MYOF: variants seen among roughly 807,000 people sequenced by gnomAD.
MYOF encodes the protein myoferlin, also known as fer-1-like 3, myoferlin.
In MYOF, 244 loss-of-function variants were observed where a neutral mutation model predicts 284.2. The ratio of observed to expected loss-of-function variants is 0.86; its 90% CI spans 0.77 to 0.95. The LOEUF is 0.95. MYOF is among the 40% of genes least tolerant of loss of function. The pLI is 0.00. For missense variants in MYOF, 2,496 were observed against 2,560.6 expected (o/e 0.97, Z 0.54); for synonymous variants, 904 against 919.7 (o/e 0.98, Z 0.31).
chr10:93,460,781 A>AG (rs1314108421), intron 1 of MYOF, among the ~76,000 whole-genome samples: 18 of 117,664 alleles, frequency 1.5e-4, no homozygotes, highest in African/African-American at 5.1e-4. Context: ...AAAAAAAAAA[A>AG]AAAAGAAAGA....
chr10:93,398,163 G>T (rs1409414462), intron 13 of MYOF, among the ~76,000 whole-genome samples: 1 of 152,088 alleles, frequency 6.6e-6, no homozygotes, highest in African/African-American at 2.4e-5. Context: ...TTCCCCGCTT[G>T]CTGGCTCTAC....
chr10:93,323,051 G>A, intron 48 of MYOF, 27 bp downstream of exon 48: 1 of 1,591,062 alleles, frequency 6.3e-7, no homozygotes, highest in East Asian at 2.2e-5. Context: ...CCTGAGCTTG[G>A]CAAAGTCTCT....
chr10:93,433,771 C>G (rs918472558), intron 3 of MYOF, among the ~76,000 whole-genome samples: 1 of 152,148 alleles, frequency 6.6e-6, no homozygotes, highest in East Asian at 1.9e-4. Context: ...CTCAGAGGTG[C>G]TCCGGGTACG....
intron 51 of MYOF, among the ~76,000 whole-genome samples, chr10:93,311,958 CAG>C (rs964473926): frequency 1.3e-5 from 2 of 152,118 alleles, no homozygotes; most frequent in Non-Finnish European, 2.9e-5. Context: ...CAATGGACTG[CAG>C]AGAGAGAGCA....
intron 1 of MYOF, among the ~76,000 whole-genome samples, chr10:93,462,839 A>C (rs2056916289): frequency 6.6e-6 from 1 of 152,168 alleles, no homozygotes; most frequent in Admixed American, 6.5e-5. Context: ...ATAAAAAAAA[A>C]AGGTTAAACC....
chr10:93,412,954 C>T (rs1372148502), intron 5 of MYOF, among the ~76,000 whole-genome samples: 1 of 152,116 alleles, frequency 6.6e-6, no homozygotes, highest in Non-Finnish European at 1.5e-5. Flanking sequence ...GGGCTGACAG[C>T]TGTTGGGTTC....
chr10:93,390,813 TA>T (rs902722723), intron 17 of MYOF, among the ~76,000 whole-genome samples: 126 of 142,484 alleles, frequency 8.8e-4, no homozygotes, highest in South Asian at 2.2e-3. Context: ...AAAAAAGATT[TA>T]AAAAAAAAAA....
rs545673041 is a variant in MYOF at position 93,309,341 on chromosome 10, C to T, written c.6147+679G>A. On this transcript the variant is annotated intron_variant, in intron 53 of 53. Coordinates refer to ENST00000359263, the MANE Select transcript of MYOF (RefSeq NM_013451.4). ...CTTAATTCCTAGCCTGTCGTAGATGCGCAATACATCCTCTGGATGGAGGAA... is the reference window on the plus strand; with the variant it reads ...CTTAATTCCTAGCCTGTCGTAGATGTGCAATACATCCTCTGGATGGAGGAA... Among the ~76,000 whole-genome samples the T allele has an allele frequency of 7.4e-4, 112 of 152,252 alleles. 1 individual carries two copies. The highest frequency in any genetic ancestry group is 2.5e-3 in the African/African-American group (102 of 41,540).
Position 93,401,509 on chromosome 10 carries a change from A to G in MYOF, c.1026T>C (p.Asp342=). 1.9e-6 allele frequency: 3 copies of G among 1,614,162 alleles called. No homozygotes were observed. The highest frequency in any genetic ancestry group is 1.7e-6 in the Non-Finnish European group (2 of 1,180,006). The change falls in exon 12 of 54, where the codon GAT becomes GAC. Residue 342 remains aspartate (D), a synonymous_variant. Transcript: ENST00000359263. Reference sequence around the variant, plus strand: ...CAGGGAGTAACAAATTACTCTCCACATCATCACTGTCATTATCACGATCTC... The same window carrying G: ...CAGGGAGTAACAAATTACTCTCCACGTCATCACTGTCATTATCACGATCTC... ...ERRDRDNDSD[D]VESNLLLPAG...
Position 93,355,602 on chromosome 10 carries a change from TAAATCA to T in MYOF, c.3403+20_3403+25del. The T allele has an allele frequency of 6.5e-7, 1 of 1,549,014 alleles. No individual in the cohort carries two copies. Among genetic ancestry groups the T allele is most frequent in the Non-Finnish European group, 8.8e-7 (1 of 1,130,736 alleles). On this transcript the variant is annotated intron_variant, in intron 31 of 53. Transcript: ENST00000359263. ...CTTGAAAAAATAAAATAAAATAAAATAAATCAAAAATAAAACAAAACTCACTGTCAA... is the reference window on the plus strand; with the variant it reads ...CTTGAAAAAATAAAATAAAATAAAATAAAATAAAACAAAACTCACTGTCAA...
At chr10:93,481,815 T>C (rs1355025774) in intron 1 of MYOF, among the ~76,000 whole-genome samples, 2 of 152,202 alleles carry the variant, frequency 1.3e-5, no homozygotes, top group East Asian at 1.9e-4. Context: ...CCAATACAGA[T>C]GTTTGTTGAT....
intron 53 of MYOF, among the ~76,000 whole-genome samples, chr10:93,307,370 A>G (rs1224386305): frequency 6.6e-6 from 1 of 151,864 alleles, no homozygotes; most frequent in African/African-American, 2.4e-5. Context: ...ATCTCGGCTC[A>G]CTGCAACCTC....
At chr10:93,480,642 A>C (rs2057367396) in intron 1 of MYOF, among the ~76,000 whole-genome samples, 1 of 151,564 alleles carries the variant, frequency 6.6e-6, no homozygotes, top group Non-Finnish European at 1.5e-5. Flanking sequence ...TGCCCGGCTA[A>C]TTTTTGTATT....
chr10:93,341,280 C>CTT (rs35414380), intron 38 of MYOF, among the ~76,000 whole-genome samples: 36,477 of 145,230 alleles, frequency 0.25, 6,079 homozygotes, highest in East Asian at 0.87. Flanking sequence ...ATTTAAAAGG[C>CTT]TTTTTTTTTT....
intron 21 of MYOF, among the ~76,000 whole-genome samples, chr10:93,379,629 A>G (rs1213957370): frequency 6.6e-6 from 1 of 152,122 alleles, no homozygotes; most frequent in East Asian, 1.9e-4. Context: ...CATGCAGACA[A>G]TGATAACTCC....
chr10:93,383,232 T>C lies in MYOF; in HGVS notation c.1699-1836A>G, dbSNP rs187273667. Among the ~76,000 whole-genome samples the C allele has an allele frequency of 2.0e-3, 297 of 152,240 alleles. 1 individual carries two copies. Among genetic ancestry groups the C allele is most frequent in the African/African-American group, 6.9e-3 (286 of 41,556 alleles). ...AATTTTTAAGGACTGTTTTAAGAACTTCTGACAGTGACTGAAGCTTGTGGT... is the reference window on the plus strand; with the variant it reads ...AATTTTTAAGGACTGTTTTAAGAACCTCTGACAGTGACTGAAGCTTGTGGT... On this transcript the variant is annotated intron_variant, in intron 19 of 53. Coordinates refer to ENST00000359263, the MANE Select transcript of MYOF (RefSeq NM_013451.4).
chr10:93,343,751 T>A (rs1167540990), intron 38 of MYOF, 105 bp downstream of exon 38: 1 of 1,191,904 alleles, frequency 8.4e-7, no homozygotes, highest in African/African-American at 1.5e-5. Context: ...TGGCTGATGA[T>A]TATAATTGCA....
chr10:93,376,489 C>T (rs10882226), intron 22 of MYOF, among the ~76,000 whole-genome samples: 37,429 of 149,644 alleles, frequency 0.25, 6,085 homozygotes, highest in East Asian at 0.87. Context: ...GGACCCAGCT[C>T]TAACATTCAG....
At chr10:93,307,709 T>C (rs564221384) in intron 53 of MYOF, among the ~76,000 whole-genome samples, 8 of 151,194 alleles carry the variant, frequency 5.3e-5, no homozygotes, top group African/African-American at 1.9e-4. Context: ...ACTGCAACCT[T>C]TGCCTCGCAG....
Sources: allele counts gnomAD v4.1 joint callset (sites outside exome capture counted in the v4.1 genomes callset), GRCh38; gene constraint gnomAD v4.1.1; transcripts MANE v1.5; gene names NCBI Gene and HGNC (gene_info 2026-07-23, HGNC 2026-07-21).